GSG1L: variants seen among roughly 807,000 people sequenced by gnomAD.
The protein encoded by GSG1L is GSG1 like, also known as germ cell-specific gene 1-like protein.
In GSG1L, 24 loss-of-function variants were observed where a neutral mutation model predicts 42.1. The ratio of observed to expected loss-of-function variants is 0.57; its 90% confidence interval spans 0.41 to 0.80. GSG1L has a LOEUF of 0.80. GSG1L is among the 30% of genes least tolerant of loss of function. The pLI, the probability that GSG1L is intolerant of heterozygous loss-of-function variation, is 0.00. For synonymous variants in GSG1L, 215 were observed against 203.5 expected, an observed-to-expected ratio of 1.06 and a Z score of -0.48; for missense variants, 445 against 472.2, an observed-to-expected ratio of 0.94 and a Z score of 0.53.
At chr16:27,822,956 C>T (rs577514937) in intron 5 of GSG1L, among the ~76,000 whole-genome samples, 243 of 152,292 alleles carry the variant, frequency 1.6e-3, no homozygotes, top group African/African-American at 5.3e-3. Context: ...CGGGGGCTTC[C>T]GTCCCCCACA....
At chr16:27,799,335 A>G (rs988718252) in intron 6 of GSG1L, among the ~76,000 whole-genome samples, 4 of 152,034 alleles carry the variant, frequency 2.6e-5, no homozygotes, top group Admixed American at 2.6e-4. Flanking sequence ...GGAGTTCGAG[A>G]CCAGCCTGAG....
intron 1 of GSG1L, among the ~76,000 whole-genome samples, chr16:27,980,930 A>G (rs142808766): frequency 0.011 from 1,674 of 151,782 alleles, 27 homozygotes; most frequent in African/African-American, 0.039. Flanking sequence ...AAGAAAGAAA[A>G]AAAGAAACTG....
chr16:28,034,086 T>G (rs2085999823), intron 1 of GSG1L, among the ~76,000 whole-genome samples: 1 of 151,518 alleles, frequency 6.6e-6, no homozygotes, highest in Admixed American at 6.6e-5. Context: ...TTCCATCCTG[T>G]CCCAACCCAT....
At chr16:27,801,748 G>A (rs2082884891) in intron 6 of GSG1L, among the ~76,000 whole-genome samples, 1 of 152,160 alleles carries the variant, frequency 6.6e-6, no homozygotes, top group Non-Finnish European at 1.5e-5. Flanking sequence ...TCCAGGGTGT[G>A]GGTGATGAGG....
chr16:27,794,013 G>A (rs777557471), intron 6 of GSG1L, among the ~76,000 whole-genome samples: 1 of 125,556 alleles, frequency 8.0e-6, no homozygotes, highest in African/African-American at 2.7e-5. Context: ...CTGTTTTTTT[G>A]TTTGTTTGTT....
At chr16:27,843,266 A>T (rs988171410) in intron 4 of GSG1L, among the ~76,000 whole-genome samples, 4 of 152,034 alleles carry the variant, frequency 2.6e-5, no homozygotes, top group Non-Finnish European at 4.4e-5. Context: ...TTTCTGTCCA[A>T]GGGTTTGGGT....
intron 2 of GSG1L, among the ~76,000 whole-genome samples, chr16:27,948,799 C>T (rs9939652): frequency 0.16 from 23,186 of 148,802 alleles, 2,263 homozygotes; most frequent in Non-Finnish European, 0.22. Context: ...TTAGTAGAGA[C>T]GGGGTTTCAT....
intron 1 of GSG1L, among the ~76,000 whole-genome samples, chr16:27,967,415 C>A (rs1201687353): frequency 6.6e-6 from 1 of 152,184 alleles, no homozygotes; most frequent in African/African-American, 2.4e-5. Flanking sequence ...GATGGGTGAA[C>A]CCTGCTCTGT....
chr16:27,839,689 C>T (rs2083357092), intron 4 of GSG1L, among the ~76,000 whole-genome samples: 1 of 152,188 alleles, frequency 6.6e-6, no homozygotes, highest in African/African-American at 2.4e-5. Context: ...CTCCAGGCTG[C>T]CTGGTGGCAA....
intron 1 of GSG1L, among the ~76,000 whole-genome samples, chr16:28,061,353 A>T (rs1347389758): frequency 1.3e-5 from 2 of 152,164 alleles, no homozygotes; most frequent in Non-Finnish European, 2.9e-5. Flanking sequence ...TTGAGTGTTG[A>T]GTGTAAACCA....
intron 2 of GSG1L, among the ~76,000 whole-genome samples, chr16:27,912,447 G>A (rs1283762408): frequency 6.6e-6 from 1 of 152,154 alleles, no homozygotes; most frequent in Admixed American, 6.5e-5. Flanking sequence ...AGCCCAGGAG[G>A]TTGAGGCTGC....
At chr16:27,811,734 C>T (rs2140948117) in intron 5 of GSG1L, among the ~76,000 whole-genome samples, 1 of 152,328 alleles carries the variant, frequency 6.6e-6, no homozygotes, top group Non-Finnish European at 1.5e-5. Context: ...CTGCAACTTC[C>T]ACCTCCTGGG....
intron 1 of GSG1L, among the ~76,000 whole-genome samples, chr16:28,039,555 A>G (rs113137964): frequency 0.014 from 2,153 of 152,266 alleles, 66 homozygotes; most frequent in African/African-American, 0.048. Context: ...ACTCACAGGC[A>G]TGCACACATA....
At chr16:27,815,354 C>A (rs1340646378) in intron 5 of GSG1L, among the ~76,000 whole-genome samples, 5 of 152,140 alleles carry the variant, frequency 3.3e-5, no homozygotes, top group Admixed American at 3.3e-4. Flanking sequence ...TGTACCTGCT[C>A]CCGTTCTATC....
intron 2 of GSG1L, among the ~76,000 whole-genome samples, chr16:27,922,827 G>A (rs2385009): frequency 1 from 152,292 of 152,294 alleles, 76,145 homozygotes; most frequent in Middle Eastern, 1. Context: ...TCTGTTGCCC[G>A]GGCTGTGGTG....
At chr16:28,037,724 C>T (rs534349053) in intron 1 of GSG1L, among the ~76,000 whole-genome samples, 4 of 152,340 alleles carry the variant, frequency 2.6e-5, no homozygotes, top group African/African-American at 7.2e-5. Flanking sequence ...ATTCTTCTAT[C>T]AAATTGCAAT....
rs117283381 is a variant in GSG1L, at chr16:27,901,697, C to G, written c.398-17059G>C. On this transcript the variant is annotated intron_variant, in intron 2 of 6. Transcript: ENST00000447459. ...GGGCCATTTTATGAGAAAGAGTTAC[C>G]TTTCAGAAATGTAAATACCATCGGG... Among the ~76,000 whole-genome samples, 897 of 152,324 alleles carry G rather than the reference C, an allele frequency of 5.9e-3. 1 individual carries two copies. Among genetic ancestry groups the G allele is most frequent in the Non-Finnish European group, 9.5e-3 (646 of 68,030 alleles).
At chr16:27,991,457 G>C (rs2085455386) in intron 1 of GSG1L, among the ~76,000 whole-genome samples, 1 of 151,612 alleles carries the variant, frequency 6.6e-6, no homozygotes, top group African/African-American at 2.4e-5. Flanking sequence ...CCAGGCTGGA[G>C]TGCAGTGGTG....
chr16:27,899,859 C>G (rs2084236567), intron 2 of GSG1L, among the ~76,000 whole-genome samples: 1 of 152,204 alleles, frequency 6.6e-6, no homozygotes, highest in Non-Finnish European at 1.5e-5. Context: ...AAAAAATCCT[C>G]AGCTGCCTCA....
Sources: allele counts gnomAD v4.1 joint callset (sites outside exome capture counted in the v4.1 genomes callset), GRCh38; gene constraint gnomAD v4.1.1; transcripts MANE v1.5; gene names NCBI Gene and HGNC (gene_info 2026-07-23, HGNC 2026-07-21).